Variants in SCHIP1 observed in about 807,000 individuals in gnomAD.
The protein encoded by SCHIP1 is schwannomin-interacting protein 1.
In SCHIP1, 8 loss-of-function variants were observed where a neutral mutation model predicts 29.7. That is an observed-to-expected ratio of 0.27 (90% CI 0.16 to 0.49). The LOEUF (loss-of-function observed/expected upper bound fraction) is 0.49. Ranked by LOEUF, SCHIP1 falls within the 20% of genes least tolerant of loss-of-function variation. SCHIP1 has a pLI of 0.99. For synonymous variants in SCHIP1, 76 were observed against 94.9 expected, an observed-to-expected ratio of 0.80 and a Z score of 1.16; for missense variants, 193 against 294.6, an observed-to-expected ratio of 0.66 and a Z score of 2.52.
chr3:159,449,897 AAG>A, the SCHIP1 span, among the ~76,000 whole-genome samples: 5 of 152,052 alleles, frequency 3.3e-5, no homozygotes, highest in African/African-American at 1.2e-4. Flanking sequence ...AGGGAAGAAA[AAG>A]AGAAGAAAAA....
the SCHIP1 span, among the ~76,000 whole-genome samples, chr3:159,464,681 C>T: frequency 6.6e-6 from 1 of 152,214 alleles, no homozygotes; most frequent in Non-Finnish European, 1.5e-5. Context: ...CACGTTAACA[C>T]CATTTCACAT....
At chr3:159,761,876 G>A in the SCHIP1 span, among the ~76,000 whole-genome samples, 2 of 152,274 alleles carry the variant, frequency 1.3e-5, no homozygotes, top group South Asian at 4.2e-4. Context: ...AGAGCTCAGA[G>A]GGAGTCTGGG....
At chr3:159,297,010 A>G in the SCHIP1 span, among the ~76,000 whole-genome samples, 24 of 151,988 alleles carry the variant, frequency 1.6e-4, no homozygotes, top group African/African-American at 5.8e-4. Flanking sequence ...TATAAATGAG[A>G]TCATGCCTTG....
chr3:159,750,858 G>C, the SCHIP1 span, among the ~76,000 whole-genome samples: 1 of 150,404 alleles, frequency 6.6e-6, no homozygotes, highest in Non-Finnish European at 1.5e-5. Flanking sequence ...AAAAACCTAA[G>C]ATTTTAGAAG....
At chr3:159,284,751 C>T in the SCHIP1 span, among the ~76,000 whole-genome samples, 4 of 152,106 alleles carry the variant, frequency 2.6e-5, no homozygotes, top group East Asian at 5.8e-4. Context: ...CTTGCCTCGG[C>T]CTCCCAAAGT....
the SCHIP1 span, among the ~76,000 whole-genome samples, chr3:159,372,132 G>A: frequency 5.3e-5 from 8 of 152,104 alleles, no homozygotes; most frequent in African/African-American, 1.9e-4. Context: ...GCATGCCTCA[G>A]CATTTTTAAA....
chr3:159,749,930 A>G, the SCHIP1 span, among the ~76,000 whole-genome samples: 42 of 152,132 alleles, frequency 2.8e-4, 1 homozygote, highest in African/African-American at 9.7e-4. Flanking sequence ...ATAATCAGTA[A>G]CAATTAGCAA....
chr3:159,612,679 G>A, the SCHIP1 span, among the ~76,000 whole-genome samples: 1,211 of 152,180 alleles, frequency 8.0e-3, 18 homozygotes, highest in African/African-American at 0.027. Flanking sequence ...CCGGGGAGGC[G>A]GAGGTTGCAG....
chr3:159,565,335 T>C, the SCHIP1 span, among the ~76,000 whole-genome samples: 1 of 152,238 alleles, frequency 6.6e-6, no homozygotes, highest in Non-Finnish European at 1.5e-5. Context: ...AACATTATAC[T>C]AAGTCTTTAG....
At chr3:159,829,983 CA>C in the SCHIP1 span, among the ~76,000 whole-genome samples, 4 of 151,950 alleles carry the variant, frequency 2.6e-5, no homozygotes, top group Non-Finnish European at 1.5e-5. Flanking sequence ...GTTAGTAAAC[CA>C]ATTTTGAATA....
the SCHIP1 span, among the ~76,000 whole-genome samples, chr3:159,466,006 C>T: frequency 1.3e-5 from 2 of 152,000 alleles, no homozygotes; most frequent in Non-Finnish European, 2.9e-5. Context: ...GGCTATGTTA[C>T]ACAATTTTTG....
At chr3:159,687,914 T>C in the SCHIP1 span, among the ~76,000 whole-genome samples, 2 of 152,234 alleles carry the variant, frequency 1.3e-5, no homozygotes, top group Non-Finnish European at 2.9e-5. Flanking sequence ...TCCATGTCCC[T>C]GCAAAGGACA....
At chr3:159,597,127 C>G in the SCHIP1 span, among the ~76,000 whole-genome samples, 1 of 151,982 alleles carries the variant, frequency 6.6e-6, no homozygotes, top group Non-Finnish European at 1.5e-5. Context: ...ACAAACAGCC[C>G]AGGGCATGCA....
chr3:159,795,384 C>T, the SCHIP1 span, among the ~76,000 whole-genome samples: 13 of 152,224 alleles, frequency 8.5e-5, no homozygotes, highest in Admixed American at 8.5e-4. Context: ...TACTTAATCT[C>T]TCTGCCTCAG....
At chr3:159,375,705 C>A in the SCHIP1 span, 2 of 670,110 alleles carry the variant, frequency 3.0e-6, no homozygotes, top group Non-Finnish European at 3.7e-6. Context: ...CCATTGCACT[C>A]CAGCCTGGGC....
the SCHIP1 span, among the ~76,000 whole-genome samples, chr3:159,486,190 A>G: frequency 3.3e-5 from 5 of 152,292 alleles, no homozygotes; most frequent in Non-Finnish European, 7.3e-5. Flanking sequence ...TTTCCAGTAT[A>G]CAATACAGTA....
chr3:159,754,566 C>T, the SCHIP1 span, among the ~76,000 whole-genome samples: 108,261 of 152,082 alleles, frequency 0.71, 39,206 homozygotes, highest in Middle Eastern at 0.89. Flanking sequence ...CTTGCACAAA[C>T]TTGAATAAAT....
the SCHIP1 span, among the ~76,000 whole-genome samples, chr3:159,579,268 T>G: frequency 4.6e-5 from 7 of 152,120 alleles, no homozygotes; most frequent in Admixed American, 6.6e-5. Flanking sequence ...TAAGACATTT[T>G]TATGGCCCTC....
chr3:159,364,554 A>G, the SCHIP1 span, among the ~76,000 whole-genome samples: 3 of 152,222 alleles, frequency 2.0e-5, no homozygotes, highest in East Asian at 5.8e-4. Context: ...TTTATAGCAG[A>G]AAATATTTAT....
Sources: allele counts gnomAD v4.1 joint callset (sites outside exome capture counted in the v4.1 genomes callset), GRCh38; gene constraint gnomAD v4.1.1; transcripts MANE v1.5; gene names NCBI Gene and HGNC (gene_info 2026-07-23, HGNC 2026-07-21).